Variants in ZNF831 observed in about 807,000 individuals in gnomAD.
ZNF831 encodes zinc finger protein 831, also known as chromosome 20 open reading frame 174.
ZNF831 carries 59 observed loss-of-function variants against 95.8 expected under a neutral mutation model. The ratio of observed to expected loss-of-function variants is 0.62; its 90% CI spans 0.50 to 0.77. The LOEUF is 0.77. ZNF831 is among the 30% of genes least tolerant of loss of function. The pLI is 0.00. For synonymous variants in ZNF831, 961 were observed against 925.5 expected (o/e 1.04, Z -0.70); for missense variants, 2,205 against 2,164.0 (o/e 1.02, Z -0.38).
At chr20:59,239,701 C>T (rs956902895) in intron 4 of ZNF831, among the ~76,000 whole-genome samples, 4 of 152,100 alleles carry the variant, frequency 2.6e-5, no homozygotes, top group East Asian at 3.9e-4. Flanking sequence ...CGCGCCACCA[C>T]GCCTGGCTAG....
At chr20:59,238,506 T>A (rs1431445392) in intron 4 of ZNF831, among the ~76,000 whole-genome samples, 2 of 152,224 alleles carry the variant, frequency 1.3e-5, no homozygotes, top group African/African-American at 2.4e-5. Context: ...CCAAACACCC[T>A]GACCAGAGGA....
At chr20:59,250,504 C>T (rs1187629649) in intron 4 of ZNF831, among the ~76,000 whole-genome samples, 1 of 152,102 alleles carries the variant, frequency 6.6e-6, no homozygotes, top group Admixed American at 6.5e-5. Flanking sequence ...CTTTTTTGTG[C>T]CCATTTCCTA....
At chr20:59,154,979 T>A (rs1051894962) in intron 2 of ZNF831, among the ~76,000 whole-genome samples, 1 of 152,216 alleles carries the variant, frequency 6.6e-6, no homozygotes, top group Non-Finnish European at 1.5e-5. Context: ...CACACTGAAA[T>A]GTCAGTCCCA....
chr20:59,176,292 A>C, intron 1 of ZNF831, among the ~76,000 whole-genome samples: 1 of 152,220 alleles, frequency 6.6e-6, no homozygotes, highest in South Asian at 2.1e-4. Flanking sequence ...CAGAAAACAG[A>C]TCTGTGGTTG....
intron 1 of ZNF831, among the ~76,000 whole-genome samples, chr20:59,135,012 T>C: frequency 6.6e-6 from 1 of 151,970 alleles, no homozygotes; most frequent in Non-Finnish European, 1.5e-5. Context: ...GATTACTGGT[T>C]CCTCTACACC....
At chr20:59,212,218 T>C (rs926255755) in intron 4 of ZNF831, among the ~76,000 whole-genome samples, 3 of 152,194 alleles carry the variant, frequency 2.0e-5, no homozygotes, top group African/African-American at 7.2e-5. Flanking sequence ...AAAAGATGTT[T>C]AATTTCCCTC....
At chr20:59,195,750 A>G in intron 2 of ZNF831, 119 bp from the exon 3 acceptor site, 1 of 1,501,748 alleles carries the variant, frequency 6.7e-7, no homozygotes, top group Non-Finnish European at 8.9e-7. Context: ...TTAGCAATGC[A>G]GTATTTCCGT....
Position 59,158,283 on chromosome 20 carries a change from C to G in ZNF831, c.-1280-1369C>G, listed in dbSNP as rs533627791. Among the ~76,000 whole-genome samples the G allele has an allele frequency of 1.2e-3, 185 of 152,328 alleles. 1 individual carries two copies. The Middle Eastern group carries it at 0.014, about 11-fold the overall frequency. ...TTCCCCCAGGACCCAACAGTCACAG[C>G]CTGGCGTGCGCAGGAAGCCAGCTTG... On this transcript the variant is annotated intron_variant, in intron 2 of 7. Transcript: ENST00000637017.
intron 3 of ZNF831, among the ~76,000 whole-genome samples, chr20:59,206,180 A>G (rs1984880986): frequency 6.6e-6 from 1 of 152,184 alleles, no homozygotes; most frequent in South Asian, 2.1e-4. Context: ...GTTGTCCAAT[A>G]TGGTGGTCAC....
rs2146583697 is a variant in ZNF831, at chr20:59,193,457, C to T, written c.2438C>T (p.Ser813Leu). Reference protein sequence around the residue: ...QTVLRWPSRGSGEDKLPSERK... With the variant: ...QTVLRWPSRGLGEDKLPSERK... ...GTCCTGAGATGGCCCAGCAGGGGCT[C>T]AGGGGAGGACAAGCTCCCCTCAGAG... Residue 813 changes from serine (S) to leucine (L), a missense_variant, in exon 2 of 6, where the codon TCA becomes TTA. By Grantham distance (145) the Ser-to-Leu change is moderately radical. Transcript: ENST00000371030. 2 of 1,607,478 alleles carry T rather than the reference C, an allele frequency of 1.2e-6. No individual in the cohort carries two copies. Among genetic ancestry groups the T allele is most frequent in the Non-Finnish European group, 8.5e-7 (1 of 1,176,934 alleles).
upstream of ZNF831, among the ~76,000 whole-genome samples, chr20:59,162,793 T>C (rs1319931271): frequency 1.3e-5 from 2 of 152,216 alleles, no homozygotes; most frequent in African/African-American, 4.8e-5. Context: ...TTTGGTTCCA[T>C]ATGAATTCTG....
rs777114010 is a variant in ZNF831, at chr20:59,254,724, G to A, written c.5015G>A (p.Arg1672Gln). ...FSDTSSDDED[R>Q]LVIEI is the part of the protein sequence containing the mutation. ...GACACCAGCAGCGACGATGAAGACC[G>A]ATTAGTTATAGAAATATGAAGCTTC... Residue 1672 changes from arginine (R) to glutamine (Q), a missense_variant, in exon 6 of 6, where the codon CGA becomes CAA. By Grantham distance (43) the Arg-to-Gln change is conservative (BLOSUM62 1). Coordinates refer to ENST00000371030, the MANE Select transcript of ZNF831 (RefSeq NM_178457.3). This position sits in a 1 kb window ranked among gnomAD's most constrained non-coding sequence, Gnocchi z 4.5. 17 of 1,609,616 alleles carry A rather than the reference G, an allele frequency of 1.1e-5. No individual in the cohort carries two copies. The highest frequency in any genetic ancestry group is 2.7e-5 in the African/African-American group (2 of 74,278).
chr20:59,216,175 T>G (rs1304690097), intron 4 of ZNF831, among the ~76,000 whole-genome samples: 1 of 152,188 alleles, frequency 6.6e-6, no homozygotes, highest in Non-Finnish European at 1.5e-5. Context: ...CCATACCCCC[T>G]TTTTTTCTGT....
rs751459101 is a variant in ZNF831, at chr20:59,193,744, G to A, written c.2725G>A (p.Ala909Thr). ...GGACAAGGCTACCCCACTGCATCCTGCAGCCCCAGCCCCCGCAGAGCACCC... is the reference window on the plus strand; with the variant it reads ...GGACAAGGCTACCCCACTGCATCCTACAGCCCCAGCCCCCGCAGAGCACCC... ...PRDKATPLHP[A>T]APAPAEHPSL... Residue 909 changes from alanine to threonine, a missense_variant, in exon 2 of 6, where the codon GCA (alanine) becomes ACA (threonine). Coordinates refer to ENST00000371030, the MANE Select transcript of ZNF831 (RefSeq NM_178457.3). 1.2e-5 allele frequency: 20 copies of A among 1,609,776 alleles called. No individual in the cohort carries two copies. In the African/African-American group the frequency reaches 2.7e-4, roughly 21 times the overall value.
At chr20:59,188,003 G>A (rs754181805) in intron 1 of ZNF831, among the ~76,000 whole-genome samples, 2 of 152,178 alleles carry the variant, frequency 1.3e-5, no homozygotes, top group Admixed American at 6.5e-5. Context: ...GGCTGATTAC[G>A]ATTCTACGGT....
chr20:59,191,350 C>G lies in ZNF831; in HGVS notation c.331C>G (p.Pro111Ala), dbSNP rs202010634. Residue 111 changes from proline to alanine, a missense_variant, in exon 2 of 6, where the codon CCT becomes GCT. By Grantham distance (27) the Pro-to-Ala change is conservative. Coordinates refer to ENST00000371030, the MANE Select transcript of ZNF831 (RefSeq NM_178457.3). ...GPTQVGKPAAPTLTVNIVGTL... is the reference protein window; with the variant it reads ...GPTQVGKPAAATLTVNIVGTL... ...CACCCAGGTGGGGAAGCCGGCGGCCCCTACGCTGACGGTGAACATCGTGGG... is the reference window on the plus strand; with the variant it reads ...CACCCAGGTGGGGAAGCCGGCGGCCGCTACGCTGACGGTGAACATCGTGGG... 2.8e-4 allele frequency: 455 copies of G among 1,607,774 alleles called. 8 individuals carry two copies. The South Asian group carries it at 3.1e-3, about 11-fold the overall frequency.
intron 1 of ZNF831, among the ~76,000 whole-genome samples, chr20:59,131,712 G>A (rs976531712): frequency 6.6e-6 from 1 of 152,306 alleles, no homozygotes; most frequent in Admixed American, 6.5e-5. Context: ...GGGATTGAGT[G>A]GGTGATGGGT....
chr20:59,240,782 A>G (rs1339102281), intron 4 of ZNF831, among the ~76,000 whole-genome samples: 1 of 152,218 alleles, frequency 6.6e-6, no homozygotes, highest in African/African-American at 2.4e-5. Context: ...AGCCTGGGCG[A>G]CAGAGCGAGC....
intron 1 of ZNF831, among the ~76,000 whole-genome samples, chr20:59,139,879 G>A (rs1406953958): frequency 6.6e-6 from 1 of 152,196 alleles, no homozygotes; most frequent in Non-Finnish European, 1.5e-5. Flanking sequence ...TGATGAGTCT[G>A]AATTGAACAG....
Sources: allele counts gnomAD v4.1 joint callset (sites outside exome capture counted in the v4.1 genomes callset), GRCh38; gene constraint gnomAD v4.1.1; non-coding constraint Gnocchi (gnomAD v3.1); transcripts MANE v1.5; gene names NCBI Gene and HGNC (gene_info 2026-07-23, HGNC 2026-07-21).